HEYL: variants seen among roughly 807,000 people sequenced by gnomAD.
The protein encoded by HEYL is hairy/enhancer-of-split related with YRPW motif-like protein.
Under a neutral mutation model 18.6 loss-of-function variants are expected in HEYL, and 12 were observed. That is an observed-to-expected ratio of 0.65 (90% CI 0.41 to 1.05). The LOEUF (loss-of-function observed/expected upper bound fraction) is 1.05, where lower values mean the gene tolerates loss of function less well. HEYL is among the 50% of genes least tolerant of loss of function. The pLI is 0.00. For missense variants in HEYL, 420 were observed against 444.7 expected (o/e 0.94, Z 0.50); for synonymous variants, 159 against 179.6 (o/e 0.89, Z 0.91).
Position 39,631,565 on chromosome 1 carries a change from C to T in HEYL, c.162G>A (p.Arg54=). 3 of 1,614,156 alleles carry T rather than the reference C, an allele frequency of 1.9e-6. No homozygotes were observed. Among genetic ancestry groups the T allele is most frequent in the Non-Finnish European group, 2.5e-6 (3 of 1,179,992 alleles). ...GGCTACTGTTGATGCGGTCTCGACGCCGTTTCTCTATGATCTAAACAATCA... is the reference window on the plus strand; with the variant it reads ...GGCTACTGTTGATGCGGTCTCGACGTCGTTTCTCTATGATCTAAACAATCA... ...RKKHRGIIEK[R]RRDRINSSLS... Residue 54 remains arginine (R), a synonymous_variant, in exon 3 of 5, where the codon CGG becomes CGA. Coordinates refer to ENST00000372852, the MANE Select transcript of HEYL (RefSeq NM_014571.4).
At chr1:39,629,548 T>C (rs1646320646) in intron 4 of HEYL, among the ~76,000 whole-genome samples, 1 of 152,188 alleles carries the variant, frequency 6.6e-6, no homozygotes, top group Admixed American at 6.5e-5. Context: ...TCCTCTTCTG[T>C]AGCAGTAAGT....
intron 4 of HEYL, among the ~76,000 whole-genome samples, chr1:39,627,614 G>C (rs1457351795): frequency 6.6e-6 from 1 of 152,188 alleles, no homozygotes; most frequent in Admixed American, 6.5e-5. Flanking sequence ...AGAGTGAGGA[G>C]GCCCCTTGGA....
At chr1:39,632,788 A>G (rs562278384) in intron 1 of HEYL, 73 bp from the exon 2 acceptor site, 2 of 1,587,588 alleles carry the variant, frequency 1.3e-6, no homozygotes, top group East Asian at 4.5e-5. Flanking sequence ...ACCTCGGGCC[A>G]GGAGGAGCCA....
chr1:39,626,871 G>C lies in HEYL; in HGVS notation c.623C>G (p.Ser208Cys). The C allele has an allele frequency of 6.3e-7, 1 of 1,595,698 alleles. No homozygotes were observed. The highest frequency in any genetic ancestry group is 1.3e-5 in the African/African-American group (1 of 74,740). ...GGCTGGGATGGGGTAAGCAGGAGAGGAGACACCGGGGAGGACAGGGCTGGG... is the reference window on the plus strand; with the variant it reads ...GGCTGGGATGGGGTAAGCAGGAGAGCAGACACCGGGGAGGACAGGGCTGGG... ...RVPSPVLPGV[S>C]SPAYPIPALR... The change falls in exon 5 of 5, where the codon TCC becomes TGC. Residue 208 changes from serine (S) to cysteine (C), a missense_variant. By Grantham distance (112) the Ser-to-Cys change is moderately radical. Coordinates refer to ENST00000372852, the MANE Select transcript of HEYL (RefSeq NM_014571.4).
At chr1:39,638,465 A>G (rs1001754059) in intron 1 of HEYL, among the ~76,000 whole-genome samples, 1 of 152,226 alleles carries the variant, frequency 6.6e-6, no homozygotes, top group African/African-American at 2.4e-5. Context: ...AAAAAGAAAG[A>G]AAGAAAGAAT....
rs765015202 is a variant in HEYL at position 39,630,326 on chromosome 1, A to G, written c.232-18T>C. On this transcript the variant is annotated intron_variant, in intron 3 of 4. Coordinates refer to ENST00000372852, the MANE Select transcript of HEYL (RefSeq NM_014571.4). ...GAAGAGCCCTGCGGGTACAGAAGAC[A>G]GAAGGGTGGAGCCTGCAGCTGACCA... 1.7e-5 allele frequency: 27 copies of G among 1,599,188 alleles called. No individual in the cohort carries two copies. Among genetic ancestry groups the G allele is most frequent in the East Asian group, 2.2e-5 (1 of 44,844 alleles).
intron 1 of HEYL, chr1:39,632,944 C>A: frequency 1.0e-6 from 1 of 985,094 alleles, no homozygotes; most frequent in Non-Finnish European, 1.2e-6. Flanking sequence ...CCTCGCTCCT[C>A]GCTCCTCGCC....
Position 39,631,566 on chromosome 1 carries a change from C to A in HEYL, c.161G>T (p.Arg54Leu). ...RKKHRGIIEK[R>L]RRDRINSSLS... ...GCTACTGTTGATGCGGTCTCGACGC[C>A]GTTTCTCTATGATCTAAACAATCAT... The change falls in exon 3 of 5, where the codon CGG becomes CTG. Residue 54 changes from arginine to leucine, a missense_variant. Coordinates refer to ENST00000372852, the MANE Select transcript of HEYL (RefSeq NM_014571.4). The A allele has an allele frequency of 6.2e-7, 1 of 1,614,104 alleles. No homozygotes were observed. Among genetic ancestry groups the A allele is most frequent in the Non-Finnish European group, 8.5e-7 (1 of 1,179,964 alleles).
intron 1 of HEYL, among the ~76,000 whole-genome samples, chr1:39,635,164 T>C (rs1224673324): frequency 6.6e-6 from 1 of 152,184 alleles, no homozygotes; most frequent in Non-Finnish European, 1.5e-5. Context: ...CCCAAACATC[T>C]GGACAAGCCG....
chr1:39,639,470 T>TG, intron 1 of HEYL, 76 bp downstream of exon 1: 1 of 1,295,140 alleles, frequency 7.7e-7, no homozygotes, highest in South Asian at 1.3e-5. Context: ...CTGGCCCGCC[T>TG]GCTCGGCGAG....
intron 4 of HEYL, among the ~76,000 whole-genome samples, chr1:39,627,865 T>C (rs1018796318): frequency 2.6e-5 from 4 of 152,218 alleles, no homozygotes; most frequent in Non-Finnish European, 5.9e-5. Context: ...AGCTATCACT[T>C]ATATTACTGG....
chr1:39,631,484 A>C lies in HEYL; in HGVS notation c.231+12T>G, dbSNP rs1646332619. On this transcript the variant is annotated intron_variant, in intron 3 of 4. Transcript: ENST00000372852. ...CAGTATTTCCTCTAGCACAATCAGC[A>C]ATGTCACATACCTGTTTCTCAAAGG... The C allele has an allele frequency of 2.5e-6, 4 of 1,612,236 alleles. No individual in the cohort carries two copies. The South Asian group carries it at 4.4e-5, about 18-fold the overall frequency.
intron 1 of HEYL, 26 bp downstream of exon 1, chr1:39,639,520 C>T (rs377215122): frequency 3.2e-6 from 5 of 1,558,750 alleles, no homozygotes; most frequent in Admixed American, 3.5e-5. Context: ...CCTCCGCCTG[C>T]TCGGTCCCCG....
intron 3 of HEYL, among the ~76,000 whole-genome samples, chr1:39,630,731 A>G (rs10888893): frequency 0.12 from 17,761 of 152,184 alleles, 1,277 homozygotes; most frequent in Non-Finnish European, 0.16. Context: ...AGGGAATCCA[A>G]CTTCAGACTC....
rs1646340895 is a variant in HEYL, at chr1:39,632,721, A to G, written c.81-6T>C. On this transcript the variant is annotated splice_polypyrimidine_tract_variant and splice_region_variant and intron_variant, in intron 1 of 4. Coordinates refer to ENST00000372852, the MANE Select transcript of HEYL (RefSeq NM_014571.4). ...ACAGCGGCCTGGCCATCTGGCTGGA[A>G]AGGAAAAGAAAAGCTGATTTTTCAG... 6.2e-7 allele frequency: 1 copy of G among 1,613,914 alleles called. No homozygotes were observed. The highest frequency in any genetic ancestry group is 1.7e-4 in the Middle Eastern group (1 of 6,060).
At chr1:39,631,474 C>A (rs776072942) in intron 3 of HEYL, 22 bp downstream of exon 3, 2 of 1,608,342 alleles carry the variant, frequency 1.2e-6, no homozygotes, top group African/African-American at 2.7e-5. Context: ...TTTCCTCTAG[C>A]ACAATCAGCA....
Position 39,639,583 on chromosome 1 carries a change from C to G in HEYL, c.43G>C (p.Asp15His). ...KEPSGSDGES[D>H]GPIDVGQEGQ... The stretch of plus-strand genomic sequence containing the variant: ...TCTTGGCCCACGTCGATGGGTCCGT[C>G]GGACTCCCCGTCGGAGCCGCTCGGC... The change falls in exon 1 of 5, where the codon GAC becomes CAC. Residue 15 changes from aspartate (D) to histidine (H), a missense_variant. Coordinates refer to ENST00000372852, the MANE Select transcript of HEYL (RefSeq NM_014571.4). 1 of 1,582,454 alleles carries G rather than the reference C, an allele frequency of 6.3e-7. No homozygotes were observed. Among genetic ancestry groups the G allele is most frequent in the Non-Finnish European group, 8.6e-7 (1 of 1,168,850 alleles).
At chr1:39,634,735 T>C (rs1045238273) in intron 1 of HEYL, among the ~76,000 whole-genome samples, 8 of 152,242 alleles carry the variant, frequency 5.3e-5, no homozygotes, top group African/African-American at 1.9e-4. Flanking sequence ...GCCAGTTCAT[T>C]GTTTTATATT....
intron 3 of HEYL, 145 bp from the exon 4 acceptor site, chr1:39,630,453 C>T: frequency 2.7e-6 from 2 of 731,548 alleles, no homozygotes; most frequent in Non-Finnish European, 5.0e-6. Flanking sequence ...CCAAGTTCTC[C>T]AAATCTAGAA....
Sources: gnomAD v4.1 joint callset for allele counts (sites outside exome capture counted in the v4.1 genomes callset) on GRCh38, gnomAD v4.1.1 for gene constraint, MANE v1.5 for transcripts, NCBI Gene and HGNC (gene_info 2026-07-23, HGNC 2026-07-21) for gene names.